CTNND2: variants seen among roughly 807,000 people sequenced by gnomAD.
CTNND2 encodes the protein catenin delta-2.
CTNND2 carries 22 observed loss-of-function variants against 144.4 expected under a neutral mutation model. The ratio of observed to expected loss-of-function variants is 0.15; its 90% CI spans 0.11 to 0.22. The LOEUF is 0.22. Ranked by LOEUF, CTNND2 falls within the 10% of genes least tolerant of loss-of-function variation. The pLI, the probability that CTNND2 is intolerant of heterozygous loss-of-function variation, is 1.00. For missense variants in CTNND2, 1,353 were observed against 1,618.8 expected, an observed-to-expected ratio of 0.84 and a Z score of 2.82; for synonymous variants, 751 against 695.6, an observed-to-expected ratio of 1.08 and a Z score of -1.25.
chr5:11,543,983 G>A (rs1341639993), intron 3 of CTNND2, among the ~76,000 whole-genome samples: 2 of 151,938 alleles, frequency 1.3e-5, no homozygotes, highest in Non-Finnish European at 2.9e-5. Context: ...TTACACACAT[G>A]AGAAAAAATG....
intron 3 of CTNND2, among the ~76,000 whole-genome samples, chr5:11,422,427 C>T (rs1226253472): frequency 6.6e-6 from 1 of 152,180 alleles, no homozygotes; most frequent in Non-Finnish European, 1.5e-5. Flanking sequence ...TAAATTGCCG[C>T]TATTAATTTT....
chr5:11,438,403 C>G (rs900819022), intron 3 of CTNND2, among the ~76,000 whole-genome samples: 2 of 152,150 alleles, frequency 1.3e-5, no homozygotes, highest in Admixed American at 1.3e-4. Context: ...AAAGGATGGG[C>G]TGTCTGGGAA....
At chr5:11,349,237 C>A (rs761631171) in intron 8 of CTNND2, among the ~76,000 whole-genome samples, 2 of 151,984 alleles carry the variant, frequency 1.3e-5, no homozygotes, top group South Asian at 4.2e-4. Context: ...TGAAATCAAC[C>A]GACAGTAGGA....
intron 13 of CTNND2, 71 bp downstream of exon 13, chr5:11,117,379 T>C: frequency 8.8e-7 from 1 of 1,138,656 alleles, no homozygotes; most frequent in Non-Finnish European, 1.3e-6. Flanking sequence ...TCTCCAGGGT[T>C]GTTAGCTATT....
rs1185463344 is a variant in CTNND2, at chr5:10,972,305, A to G, written c.*1148T>C. 1 of 152,608 alleles carries G rather than the reference A, an allele frequency of 6.6e-6. No individual in the cohort carries two copies. The highest frequency in any genetic ancestry group is 1.5e-5 in the Non-Finnish European group (1 of 68,048). The allele number at this position is 152,608 out of a possible 1,614,324, so 9.5% of individuals were successfully genotyped here. ...TCACTAGATGGTCAGAAGAATAGAT[A>G]CAGTACAAAAGGAACAAACTGATGT... On this transcript the variant is annotated 3_prime_UTR_variant, in exon 22 of 22. Transcript: ENST00000304623.
intron 3 of CTNND2, among the ~76,000 whole-genome samples, chr5:11,486,711 T>G (rs1768867785): frequency 6.6e-6 from 1 of 152,146 alleles, no homozygotes; most frequent in South Asian, 2.1e-4. Context: ...CATCACTAGT[T>G]TATCTTCAGC....
At chr5:11,709,999 T>C (rs1318570800) in intron 2 of CTNND2, among the ~76,000 whole-genome samples, 3 of 152,142 alleles carry the variant, frequency 2.0e-5, no homozygotes, top group East Asian at 1.9e-4. Context: ...TTCTGTGATA[T>C]ATGGAATATA....
At chr5:11,893,050 C>T (rs541408228) in intron 1 of CTNND2, among the ~76,000 whole-genome samples, 40 of 152,320 alleles carry the variant, frequency 2.6e-4, no homozygotes, top group South Asian at 1.0e-3. Context: ...GGCTCTGCAC[C>T]GCCTGCCATT....
intron 18 of CTNND2, among the ~76,000 whole-genome samples, chr5:11,005,447 A>T (rs768354896): frequency 2.0e-5 from 3 of 152,210 alleles, no homozygotes; most frequent in Non-Finnish European, 4.4e-5. Flanking sequence ...GGTAACGTTG[A>T]TTCCAGAAAA....
chr5:11,290,700 T>C (rs1053392721), intron 9 of CTNND2, among the ~76,000 whole-genome samples: 1 of 152,186 alleles, frequency 6.6e-6, no homozygotes, highest in Admixed American at 6.5e-5. Flanking sequence ...GATCGGTCCT[T>C]TTAAATGATC....
At chr5:11,452,674 C>G (rs890493311) in intron 3 of CTNND2, among the ~76,000 whole-genome samples, 5 of 152,260 alleles carry the variant, frequency 3.3e-5, no homozygotes, top group African/African-American at 4.8e-5. Context: ...TTCTAGGTAG[C>G]CTGTTCACAA....
intron 3 of CTNND2, among the ~76,000 whole-genome samples, chr5:11,475,525 G>T (rs1158845204): frequency 6.6e-6 from 1 of 152,122 alleles, no homozygotes; most frequent in African/African-American, 2.4e-5. Context: ...CACATATAAA[G>T]GATGAACTCT....
intron 3 of CTNND2, among the ~76,000 whole-genome samples, chr5:11,488,119 C>G (rs16901665): frequency 0.016 from 2,402 of 152,298 alleles, 61 homozygotes; most frequent in African/African-American, 0.055. Context: ...ATCTAAACAT[C>G]TGATTATCTA....
At chr5:11,827,484 A>C (rs1793663124) in intron 1 of CTNND2, among the ~76,000 whole-genome samples, 1 of 152,188 alleles carries the variant, frequency 6.6e-6, no homozygotes, top group African/African-American at 2.4e-5. Flanking sequence ...TAATAGAAAC[A>C]AATCCATGAA....
chr5:11,843,279 T>C (rs931738698), intron 1 of CTNND2, among the ~76,000 whole-genome samples: 3 of 152,144 alleles, frequency 2.0e-5, no homozygotes, highest in African/African-American at 7.2e-5. Flanking sequence ...AGAGAATAAT[T>C]ACATAAATCA....
intron 9 of CTNND2, among the ~76,000 whole-genome samples, chr5:11,279,104 C>T (rs1182142385): frequency 6.6e-6 from 1 of 152,132 alleles, no homozygotes; most frequent in Non-Finnish European, 1.5e-5. Flanking sequence ...AGGAAAAAGG[C>T]ATCCATGGGA....
At chr5:11,395,990 T>C (rs1365278819) in intron 6 of CTNND2, among the ~76,000 whole-genome samples, 1 of 152,144 alleles carries the variant, frequency 6.6e-6, no homozygotes, top group African/African-American at 2.4e-5. Context: ...TCAGTTTAGT[T>C]AGAGGAATGC....
chr5:11,225,447 A>G (rs537176144), intron 10 of CTNND2, among the ~76,000 whole-genome samples: 1 of 152,298 alleles, frequency 6.6e-6, no homozygotes, highest in African/African-American at 2.4e-5. Flanking sequence ...CTTGGTTGAC[A>G]CTACCCAGTG....
intron 12 of CTNND2, among the ~76,000 whole-genome samples, chr5:11,129,147 TAA>T (rs1755197798): frequency 3.3e-5 from 1 of 30,648 alleles, no homozygotes; most frequent in Non-Finnish European, 5.8e-5. Flanking sequence ...ATATTATATA[TAA>T]AATATACATA....
Sources: gnomAD v4.1 joint callset for allele counts (sites outside exome capture counted in the v4.1 genomes callset) on GRCh38, gnomAD v4.1.1 for gene constraint, MANE v1.5 for transcripts, NCBI Gene and HGNC (gene_info 2026-07-23, HGNC 2026-07-21) for gene names.